The following SYT2 variants were observed in gnomAD, a reference collection of about 807,000 sequenced individuals.
The protein encoded by SYT2 is synaptotagmin-2.
A neutral mutation model predicts 39.9 loss-of-function variants in SYT2; 15 were observed. The ratio of observed to expected loss-of-function variants is 0.38; its 90% CI spans 0.25 to 0.58. SYT2 has a LOEUF of 0.58. Among genes scored for constraint, SYT2 ranks in the 20% least tolerant of loss-of-function variants. The pLI, the probability that SYT2 is intolerant of heterozygous loss-of-function variation, is 0.70. For missense variants in SYT2, 389 were observed against 530.3 expected (o/e 0.73, Z 2.62); for synonymous variants, 181 against 204.5 (o/e 0.89, Z 0.98).
intron 1 of SYT2, among the ~76,000 whole-genome samples, chr1:202,629,860 C>A (rs1404411197): frequency 5.1e-5 from 2 of 38,916 alleles, no homozygotes; most frequent in South Asian, 1.1e-3. Context: ...ACCCAGCAGG[C>A]AGCTGGTGGG....
chr1:202,667,098 T>C (rs1692493012), intron 1 of SYT2, among the ~76,000 whole-genome samples: 1 of 152,182 alleles, frequency 6.6e-6, no homozygotes, highest in Admixed American at 6.5e-5. Flanking sequence ...ATGAATCTTA[T>C]AGTAATTTAA....
intron 1 of SYT2, chr1:202,643,313 TGGAGAG>T (rs896832201): frequency 1.8e-4 from 26 of 148,048 alleles, no homozygotes; most frequent in African/African-American, 6.3e-4. Flanking sequence ...CCTGAGCTGG[TGGAGAG>T]GGCGGGGGCG....
At chr1:202,618,392 C>G (rs898658470) in intron 1 of SYT2, among the ~76,000 whole-genome samples, 14 of 86,256 alleles carry the variant, frequency 1.6e-4, no homozygotes, top group African/African-American at 5.4e-4. Flanking sequence ...GAACCAAGGT[C>G]TGGTGTGAGT....
chr1:202,673,862 T>G (rs1653241484), intron 1 of SYT2, among the ~76,000 whole-genome samples: 1 of 152,156 alleles, frequency 6.6e-6, no homozygotes, highest in South Asian at 2.1e-4. Flanking sequence ...CCTCACAGAG[T>G]TCTGATCTCA....
chr1:202,640,786 GAGAGAGA>G (rs1691893085), intron 1 of SYT2, among the ~76,000 whole-genome samples: 1 of 118,642 alleles, frequency 8.4e-6, no homozygotes, highest in South Asian at 2.6e-4. Context: ...GAGAGAGAGA[GAGAGAGA>G]CAGACAGACA....
intron 1 of SYT2, among the ~76,000 whole-genome samples, chr1:202,676,953 T>TA (rs1290558751): frequency 6.6e-6 from 1 of 152,216 alleles, no homozygotes; most frequent in African/African-American, 2.4e-5. Context: ...GTTCTCATGA[T>TA]AGAGTTCTCA....
intron 1 of SYT2, among the ~76,000 whole-genome samples, chr1:202,636,975 G>A (rs1691755368): frequency 6.6e-6 from 1 of 152,184 alleles, no homozygotes; most frequent in African/African-American, 2.4e-5. Context: ...CTGCACCACA[G>A]TGCCAAGCAC....
chr1:202,656,875 T>C (rs144923234), intron 1 of SYT2, among the ~76,000 whole-genome samples: 64 of 152,332 alleles, frequency 4.2e-4, no homozygotes, highest in African/African-American at 1.4e-3. Flanking sequence ...TATCTTGAAC[T>C]AAAATCTCTC....
chr1:202,640,734 CAGAGAGAGAGAG>C (rs56979202), intron 1 of SYT2, among the ~76,000 whole-genome samples: 3,477 of 90,662 alleles, frequency 0.038, 94 homozygotes, highest in East Asian at 0.089. Flanking sequence ...TCCTAATGGT[CAGAGAGAGAGAG>C]AGAGAGAGAG....
At chr1:202,663,412 T>C (rs569493428) in intron 1 of SYT2, among the ~76,000 whole-genome samples, 129 of 152,284 alleles carry the variant, frequency 8.5e-4, no homozygotes, top group African/African-American at 3.0e-3. Context: ...TACACAATAC[T>C]TCCCCAAGAA....
At chr1:202,664,786 A>G (rs1298718638) in intron 1 of SYT2, among the ~76,000 whole-genome samples, 1 of 152,136 alleles carries the variant, frequency 6.6e-6, no homozygotes, top group African/African-American at 2.4e-5. Flanking sequence ...CAGCCTCCCA[A>G]GTGGCTGGGA....
intron 1 of SYT2, among the ~76,000 whole-genome samples, chr1:202,631,642 T>C (rs1328523244): frequency 2.6e-5 from 4 of 152,210 alleles, no homozygotes; most frequent in East Asian, 1.9e-4. Context: ...AGCCAGAAGA[T>C]GGATGAACCC....
chr1:202,672,780 A>G (rs1692618396), intron 1 of SYT2, among the ~76,000 whole-genome samples: 3 of 88,844 alleles, frequency 3.4e-5, no homozygotes, highest in Non-Finnish European at 4.7e-5. Context: ...GGAGGGAGGG[A>G]GAGAGAGAGA....
At chr1:202,679,087 C>T (rs148462305) in intron 1 of SYT2, among the ~76,000 whole-genome samples, 4 of 152,304 alleles carry the variant, frequency 2.6e-5, no homozygotes, top group Admixed American at 6.5e-5. Flanking sequence ...TGCTCTGGGG[C>T]GACGCCCATC....
At chr1:202,625,704 C>T (rs1691384498) in intron 1 of SYT2, among the ~76,000 whole-genome samples, 1 of 152,168 alleles carries the variant, frequency 6.6e-6, no homozygotes, top group Non-Finnish European at 1.5e-5. Context: ...GCCAGGCTCC[C>T]TCCCAGGCCC....
Position 202,667,703 on chromosome 1 carries a change from A to C in SYT2, c.-18+42555T>G, listed in dbSNP as rs563073832. On this transcript the variant is annotated intron_variant, in intron 1 of 8. Transcript: ENST00000367268. ...TTCTCAGATATTTTCTTTTATTTTT[A>C]TTTTATTTTATTTTATTTATTTATT... 2.3e-3 allele frequency among the ~76,000 whole-genome samples: 345 copies of C among 151,580 alleles called. 1 individual carries two copies. Among genetic ancestry groups the C allele is most frequent in the Non-Finnish European group, 3.4e-3 (228 of 67,874 alleles).
At position 202,602,415 on chromosome 1, in the gene SYT2, G is replaced by A; in HGVS notation, c.596C>T (p.Thr199Ile). The A allele has an allele frequency of 1.2e-6, 2 of 1,614,178 alleles. No homozygotes were observed. Among genetic ancestry groups the A allele is most frequent in the Non-Finnish European group, 1.7e-6 (2 of 1,180,004 alleles). Reference protein sequence around the residue: ...KKYETKVHRKTLNPAFNETFT... With the variant: ...KKYETKVHRKILNPAFNETFT... ...GGTTTCATTGAAGGCAGGGTTCAGT[G>A]TCTTCCGATGGACTTTGGTCTCATA... Residue 199 changes from threonine (T) to isoleucine (I), a missense_variant, in exon 5 of 9, where the codon ACA (threonine) becomes ATA (isoleucine). Around this residue, in one of 4 missense-constraint regions of SYT2, gnomAD observed 280 missense variants for 335.6 expected, o/e 0.83. Coordinates refer to ENST00000367268, the MANE Select transcript of SYT2 (RefSeq NM_177402.5).
chr1:202,603,420 A>G (rs1179002522), intron 3 of SYT2, among the ~76,000 whole-genome samples: 1 of 152,132 alleles, frequency 6.6e-6, no homozygotes, highest in Non-Finnish European at 1.5e-5. Context: ...ACTGCTCCAT[A>G]GCTTCTAGGG....
At position 202,598,467 on chromosome 1, in the gene SYT2, T is replaced by C. The variant is rs539736078; in HGVS notation, c.1053+751A>G. On this transcript the variant is annotated intron_variant, in intron 8 of 8. Transcript: ENST00000367268. Reference sequence around the variant, plus strand: ...ATCAATAACATCATACACATCTCCATAGATGACAGAACCAACTCTGAAGAT... The same window carrying C: ...ATCAATAACATCATACACATCTCCACAGATGACAGAACCAACTCTGAAGAT... Among the ~76,000 whole-genome samples the C allele has an allele frequency of 2.0e-3, 308 of 152,294 alleles. 1 individual carries two copies. Among genetic ancestry groups the C allele is most frequent in the African/African-American group, 7.2e-3 (301 of 41,554 alleles).
Sources: gnomAD v4.1 joint callset for allele counts (sites outside exome capture counted in the v4.1 genomes callset) on GRCh38, gnomAD v4.1.1 for gene constraint, gnomAD v4.1.1 regional missense constraint, MANE v1.5 for transcripts, NCBI Gene and HGNC (gene_info 2026-07-23, HGNC 2026-07-21) for gene names.